Variants in SH3D19 observed in about 807,000 individuals in gnomAD.
SH3D19 encodes SH3 domain containing 19, also known as SH3 domain-containing protein 19.
Under a neutral mutation model 112.1 loss-of-function variants are expected in SH3D19, and 58 were observed. That is an observed-to-expected ratio of 0.52 (90% CI 0.42 to 0.64). SH3D19 has a LOEUF of 0.64. Ranked by LOEUF, SH3D19 falls within the 30% of genes least tolerant of loss-of-function variation. SH3D19 has a pLI of 0.00. For missense variants in SH3D19, 1,090 were observed against 1,263.4 expected, an observed-to-expected ratio of 0.86 and a Z score of 2.08; for synonymous variants, 391 against 448.5, an observed-to-expected ratio of 0.87 and a Z score of 1.62.
chr4:151,126,877 A>G (rs1352610881), intron 19 of SH3D19, among the ~76,000 whole-genome samples: 1 of 151,432 alleles, frequency 6.6e-6, no homozygotes, highest in Non-Finnish European at 1.5e-5. Context: ...CGGTGAAAAA[A>G]AAAAAAAAAA....
intron 1 of SH3D19, among the ~76,000 whole-genome samples, chr4:151,303,721 GATAT>G (rs1190473992): frequency 1.3e-5 from 2 of 152,052 alleles, no homozygotes; most frequent in Non-Finnish European, 2.9e-5. Context: ...ATATCCCTTG[GATAT>G]CATGTTTTGA....
chr4:151,174,164 C>T lies in SH3D19; in HGVS notation c.1534+506G>A, dbSNP rs981589355. 3.3e-5 allele frequency among the ~76,000 whole-genome samples: 5 copies of T among 152,310 alleles called. No homozygotes were observed. In the East Asian group the frequency reaches 9.6e-4, roughly 29 times the overall value. On this transcript the variant is annotated intron_variant, in intron 7 of 19. Coordinates refer to ENST00000604030, the MANE Select transcript of SH3D19 (RefSeq NM_001378122.1). ...TTTTCGAGTCCTCCCCTGGAGCTGGCCCCTCTCCCAGCACTCCCAGCTGAG... is the reference window on the plus strand; with the variant it reads ...TTTTCGAGTCCTCCCCTGGAGCTGGTCCCTCTCCCAGCACTCCCAGCTGAG...
intron 12 of SH3D19, among the ~76,000 whole-genome samples, chr4:151,141,641 CA>C (rs1034780831): frequency 6.6e-6 from 1 of 151,912 alleles, no homozygotes; most frequent in African/African-American, 2.4e-5. Context: ...TGACTCTCTC[CA>C]AAAAAAGTTA....
chr4:151,236,199 C>A (rs368790053), intron 1 of SH3D19, among the ~76,000 whole-genome samples: 1 of 152,264 alleles, frequency 6.6e-6, no homozygotes, highest in Non-Finnish European at 1.5e-5. Flanking sequence ...CTCTCTGGGG[C>A]TGGCCGAGGC....
chr4:151,235,881 C>A (rs1193010703), intron 1 of SH3D19, among the ~76,000 whole-genome samples: 1 of 152,228 alleles, frequency 6.6e-6, no homozygotes, highest in Non-Finnish European at 1.5e-5. Flanking sequence ...ACCATCCACT[C>A]TCCCAGGAAA....
intron 2 of SH3D19, among the ~76,000 whole-genome samples, chr4:151,195,371 C>CAAAAAAA (rs58618820): frequency 5.2e-4 from 35 of 66,788 alleles, no homozygotes; most frequent in Admixed American, 3.5e-3. Context: ...GACTCTGTCT[C>CAAAAAAA]AAAAAAAAAA....
intron 2 of SH3D19, among the ~76,000 whole-genome samples, chr4:151,211,417 T>C (rs916242936): frequency 6.6e-6 from 1 of 152,180 alleles, no homozygotes; most frequent in African/African-American, 2.4e-5. Context: ...TTCATAATCC[T>C]ACAGTGGCCT....
chr4:151,301,590 C>G (rs1728437582), intron 1 of SH3D19, among the ~76,000 whole-genome samples: 1 of 152,128 alleles, frequency 6.6e-6, no homozygotes, highest in Admixed American at 6.6e-5. Context: ...TTGCTCTCGC[C>G]ATGTGAAGAT....
intron 1 of SH3D19, chr4:151,283,068 T>C: frequency 6.3e-7 from 1 of 1,579,282 alleles, no homozygotes. Context: ...ATGCTGCCCC[T>C]GCACTTTTCT....
At chr4:151,237,705 T>C (rs944508015) in intron 1 of SH3D19, among the ~76,000 whole-genome samples, 1 of 152,212 alleles carries the variant, frequency 6.6e-6, no homozygotes, top group Non-Finnish European at 1.5e-5. Context: ...TATGAGTAAG[T>C]GCTCAATAAA....
chr4:151,132,924 C>T (rs561300601), intron 16 of SH3D19, 110 bp downstream of exon 16: 1 of 935,510 alleles, frequency 1.1e-6, no homozygotes, highest in Non-Finnish European at 1.6e-6. Context: ...AGTTTTCCTT[C>T]TACCGTAAAA....
chr4:151,250,188 T>C (rs1771254441), intron 1 of SH3D19, among the ~76,000 whole-genome samples: 3 of 152,182 alleles, frequency 2.0e-5, no homozygotes, highest in African/African-American at 7.2e-5. Context: ...AAAGAATATA[T>C]ATACTGAAGC....
At chr4:151,205,787 AATCCACAC>A (rs1270187466) in intron 2 of SH3D19, among the ~76,000 whole-genome samples, 1 of 152,248 alleles carries the variant, frequency 6.6e-6, no homozygotes, top group African/African-American at 2.4e-5. Flanking sequence ...TAACTCACTT[AATCCACAC>A]ATCCACCCGT....
intron 9 of SH3D19, among the ~76,000 whole-genome samples, chr4:151,153,240 A>G (rs1018689828): frequency 2.6e-5 from 4 of 152,024 alleles, no homozygotes; most frequent in Non-Finnish European, 5.9e-5. Context: ...TCCAAGAATT[A>G]GCACTACTTC....
At chr4:151,232,416 T>C (rs1026929128) in intron 1 of SH3D19, among the ~76,000 whole-genome samples, 2 of 152,230 alleles carry the variant, frequency 1.3e-5, no homozygotes, top group Non-Finnish European at 1.5e-5. Flanking sequence ...GAGGATTAAA[T>C]GAGATAATGC....
At chr4:151,217,934 C>T (rs769910474) in intron 2 of SH3D19, among the ~76,000 whole-genome samples, 4 of 152,024 alleles carry the variant, frequency 2.6e-5, no homozygotes, top group Non-Finnish European at 5.9e-5. Context: ...GATATACAAA[C>T]ATACATATAA....
chr4:151,181,048 C>T (rs1397963449), intron 3 of SH3D19, among the ~76,000 whole-genome samples: 1 of 151,664 alleles, frequency 6.6e-6, no homozygotes, highest in Non-Finnish European at 1.5e-5. Flanking sequence ...GCTGGGATTA[C>T]AGGCATGAGC....
chr4:151,138,686 T>A (rs4645200), intron 13 of SH3D19, among the ~76,000 whole-genome samples: 14,841 of 54,098 alleles, frequency 0.27, 1,276 homozygotes, highest in Non-Finnish European at 0.44. Flanking sequence ...AGATCTTGTC[T>A]CACACACACA....
At chr4:151,162,598 C>CTTT (rs57420317) in intron 8 of SH3D19, among the ~76,000 whole-genome samples, 5 of 131,098 alleles carry the variant, frequency 3.8e-5, no homozygotes, top group Non-Finnish European at 8.1e-5. Context: ...AGATTGGTCC[C>CTTT]TTTTTTTTTT....
Sources: allele counts gnomAD v4.1 joint callset (sites outside exome capture counted in the v4.1 genomes callset), GRCh38; gene constraint gnomAD v4.1.1; transcripts MANE v1.5; gene names NCBI Gene and HGNC (gene_info 2026-07-23, HGNC 2026-07-21).